CBX6: variants seen among roughly 807,000 people sequenced by gnomAD.
CBX6 encodes the protein chromobox 6.
A neutral mutation model predicts 28.4 loss-of-function variants in CBX6; 7 were observed. That is an observed-to-expected ratio of 0.25 (90% CI 0.14 to 0.46). The LOEUF (loss-of-function observed/expected upper bound fraction) is 0.46, where lower values mean the gene tolerates loss of function less well. Ranked by LOEUF, CBX6 falls within the 20% of genes least tolerant of loss-of-function variation. CBX6 has a pLI of 0.99. For synonymous variants in CBX6, 297 were observed against 273.4 expected (o/e 1.09, Z -0.85); for missense variants, 512 against 606.1 (o/e 0.84, Z 1.63).
Position 38,867,184 on chromosome 22 carries a change from C to G in CBX6, c.264G>C (p.Glu88Asp), listed in dbSNP as rs1399456667. 6 of 1,340,508 alleles carry G rather than the reference C, an allele frequency of 4.5e-6. No homozygotes were observed. Among genetic ancestry groups the G allele is most frequent in the Admixed American group, 4.5e-5 (2 of 44,688 alleles). The allele number at this position is 1,340,508 out of a possible 1,614,324, so 83.0% of individuals were successfully genotyped here. ...AATGCACATCACTGATGCGGAGGGCCTCGGCCTGGGCCCGCGCCTGCGGGC... is the reference window on the plus strand; with the variant it reads ...AATGCACATCACTGATGCGGAGGGCGTCGGCCTGGGCCCGCGCCTGCGGGC... Reference protein sequence around the residue: ...TFLLKARAQAEALRISDVHFS... With the variant: ...TFLLKARAQADALRISDVHFS... The change falls in exon 5 of 5, where the codon GAG becomes GAC. Residue 88 changes from glutamate (E) to aspartate (D), a missense_variant. By Grantham distance (45) the Glu-to-Asp change is conservative. Transcript: ENST00000407418.
At position 38,866,212 on chromosome 22, in the gene CBX6, C is replaced by T. The variant is rs752970669; in HGVS notation, c.1236G>A (p.Lys412=). Residue 412 remains lysine (K), a synonymous_variant, in exon 5 of 5, where the codon AAG becomes AAA. Coordinates refer to ENST00000407418, the MANE Select transcript of CBX6 (RefSeq NM_014292.5). This position sits in a 1 kb window ranked among gnomAD's most constrained non-coding sequence, Gnocchi z 7.5. ...AGGGGSIGAS[K] Reference sequence around the variant, plus strand: ...CCCCCTCCTTGGTGGAGCCCCCTCACTTGCTCGCCCCAATGCTGCCACCGC... The same window carrying T: ...CCCCCTCCTTGGTGGAGCCCCCTCATTTGCTCGCCCCAATGCTGCCACCGC... The T allele has an allele frequency of 6.2e-7, 1 of 1,603,042 alleles. No homozygotes were observed. The highest frequency in any genetic ancestry group is 2.2e-5 in the East Asian group (1 of 44,666).
At position 38,866,884 on chromosome 22, in the gene CBX6, C is replaced by T. The variant is rs1427589030; in HGVS notation, c.564G>A (p.Gly188=). 9 of 1,597,496 alleles carry T rather than the reference C, an allele frequency of 5.6e-6. No individual in the cohort carries two copies. Among genetic ancestry groups the T allele is most frequent in the Non-Finnish European group, 7.7e-6 (9 of 1,173,554 alleles). ...GCGCCCCGGCCCCCTGCCCGGCGCC[C>T]CCGCCGCCAGCGCCCTTGTCGATCA... The part of the protein sequence containing the change: ...LKVIDKGAGG[G]GAGQGAGALA... Residue 188 remains glycine (G), a synonymous_variant, in exon 5 of 5, where the codon GGG becomes GGA. Coordinates refer to ENST00000407418, the MANE Select transcript of CBX6 (RefSeq NM_014292.5). This position sits in a 1 kb window ranked among gnomAD's most constrained non-coding sequence, Gnocchi z 7.5.
chr22:38,866,950 C>T lies in CBX6; in HGVS notation c.498G>A (p.Pro166=). The change falls in exon 5 of 5, where the codon CCG becomes CCA. Residue 166 remains proline (P), a synonymous_variant. Transcript: ENST00000407418. This position sits in a 1 kb window ranked among gnomAD's most constrained non-coding sequence, Gnocchi z 7.5. ...TGATGCGGTTCCGCTTGGGCTCCCG[C>T]GGCTTCACCTTGCGGTTGATGATGC... is the stretch of plus-strand genomic sequence containing the variant. ...TVRIINRKVK[P]REPKRNRIIL... 1.2e-6 allele frequency: 2 copies of T among 1,609,070 alleles called. No individual in the cohort carries two copies. Among genetic ancestry groups the T allele is most frequent in the East Asian group, 2.2e-5 (1 of 44,768 alleles).
chr22:38,867,138 T>G lies in CBX6; in HGVS notation c.310A>C (p.Ser104Arg). 1 of 1,356,000 alleles carries G rather than the reference T, an allele frequency of 7.4e-7. No homozygotes were observed. The highest frequency in any genetic ancestry group is 9.7e-7 in the Non-Finnish European group (1 of 1,026,612). The allele number at this position is 1,356,000 out of a possible 1,614,324, so 84.0% of individuals were successfully genotyped here. A position where few individuals can be genotyped will look rare whatever the true frequency, so the allele number is the denominator to read the frequency against. The stretch of plus-strand genomic sequence containing the variant: ...GAGTGCAGCTTGGGCGAGGAGGCAC[T>G]GGCGCTCGGCTTGACAGAGAAATGC... The part of the protein sequence containing the change: ...DVHFSVKPSA[S>R]ASSPKLHSSA... The change falls in exon 5 of 5, where the codon AGT becomes CGT. Residue 104 changes from serine to arginine, a missense_variant. This residue lies in a region of CBX6 where 123 missense variants were observed against 138.1 expected (regional missense o/e 0.89). Coordinates refer to ENST00000407418, the MANE Select transcript of CBX6 (RefSeq NM_014292.5).
Position 38,867,642 on chromosome 22 carries a change from C to T in CBX6, c.247-441G>A, listed in dbSNP as rs188544392. The stretch of plus-strand genomic sequence containing the variant: ...GTGGGGACTCCTCCACGGACTCATT[C>T]GTGGTGACAGAAAGGAGGAGGTGGG... On this transcript the variant is annotated intron_variant, in intron 4 of 4. Coordinates refer to ENST00000407418, the MANE Select transcript of CBX6 (RefSeq NM_014292.5). Among the ~76,000 whole-genome samples the T allele has an allele frequency of 4.7e-4, 71 of 152,324 alleles. No individual in the cohort carries two copies. The East Asian group carries it at 0.013, about 27-fold the overall frequency.
chr22:38,871,992 C>G lies in CBX6; in HGVS notation c.70-47G>C. 7.4e-7 allele frequency: 1 copy of G among 1,354,142 alleles called. No homozygotes were observed. The highest frequency in any genetic ancestry group is 9.9e-7 in the Non-Finnish European group (1 of 1,012,024). 83.9% of individuals were successfully genotyped at this position (1,354,142 alleles called of 1,614,324 possible). A position where few individuals can be genotyped will look rare whatever the true frequency, so the allele number is the denominator to read the frequency against. On this transcript the variant is annotated intron_variant, in intron 1 of 4. Transcript: ENST00000407418. This position sits in a 1 kb window ranked among gnomAD's most constrained non-coding sequence, Gnocchi z 5.6. ...AACGGGGGTGGGGGTGGGGAGGATGCGGGGACGCGAGGAGGCGGCGGCGCG... is the reference window on the plus strand; with the variant it reads ...AACGGGGGTGGGGGTGGGGAGGATGGGGGGACGCGAGGAGGCGGCGGCGCG...
intron 4 of CBX6, chr22:38,869,555 A>C (rs1339570965): frequency 6.6e-6 from 1 of 151,940 alleles, no homozygotes; most frequent in Admixed American, 6.6e-5. Flanking sequence ...TATACTTTCT[A>C]TATATTATTA....
chr22:38,864,698 C>A lies in CBX6; in HGVS notation c.*1511G>T, dbSNP rs1347755670. The A allele has an allele frequency of 6.6e-6, 1 of 152,356 alleles. No homozygotes were observed. The highest frequency in any genetic ancestry group is 1.5e-5 in the Non-Finnish European group (1 of 68,146). The allele number at this position is 152,356 out of a possible 1,614,324, so 9.4% of individuals were successfully genotyped here. On this transcript the variant is annotated 3_prime_UTR_variant, in exon 5 of 5. Transcript: ENST00000407418. ...AGGCGCTAGGGTTCTGATCGGCCTCCTGCCAACGTGCTTCTGAGGGAGGGG... is the reference window on the plus strand; with the variant it reads ...AGGCGCTAGGGTTCTGATCGGCCTCATGCCAACGTGCTTCTGAGGGAGGGG...
rs2093183700 is a variant in CBX6 at position 38,872,086 on chromosome 22, G to A, written c.69+36C>T. ...AGGGCCCCCGGCCCCGGCCCCGGCT[G>A]CGGACAGCGGCGGCCCGCCCCGGGC... On this transcript the variant is annotated intron_variant, in intron 1 of 4. Coordinates refer to ENST00000407418, the MANE Select transcript of CBX6 (RefSeq NM_014292.5). The surrounding 1 kb of genome is among the most constrained non-coding windows in gnomAD (Gnocchi z 5.0). The A allele has an allele frequency of 7.6e-7, 1 of 1,324,264 alleles. No homozygotes were observed. The highest frequency in any genetic ancestry group is 3.6e-5 in the East Asian group (1 of 27,586). 82.0% of individuals were successfully genotyped at this position (1,324,264 alleles called of 1,614,324 possible).
rs759592881 is a variant in CBX6 at position 38,871,327 on chromosome 22, G to T, written c.246+153C>A. On this transcript the variant is annotated intron_variant, in intron 4 of 4. Coordinates refer to ENST00000407418, the MANE Select transcript of CBX6 (RefSeq NM_014292.5). This position sits in a 1 kb window ranked among gnomAD's most constrained non-coding sequence, Gnocchi z 5.6. ...GAGGCCTGCCATCAGGGGCTTCTGG[G>T]GGGGCTCACAACCACCCCCTGCCCA... 1.3e-5 allele frequency: 9 copies of T among 700,080 alleles called. No individual in the cohort carries two copies. Among genetic ancestry groups the T allele is most frequent in the Non-Finnish European group, 2.2e-5 (9 of 402,698 alleles). 43.4% of individuals were successfully genotyped at this position (700,080 alleles called of 1,614,324 possible).
chr22:38,871,341 AC>A lies in CBX6; in HGVS notation c.246+138del. The A allele has an allele frequency of 1.3e-6, 1 of 759,050 alleles. No individual in the cohort carries two copies. 47.0% of individuals were successfully genotyped at this position (759,050 alleles called of 1,614,324 possible). A position where few individuals can be genotyped will look rare whatever the true frequency, so the allele number is the denominator to read the frequency against. On this transcript the variant is annotated intron_variant, in intron 4 of 4. Coordinates refer to ENST00000407418, the MANE Select transcript of CBX6 (RefSeq NM_014292.5). This position sits in a 1 kb window ranked among gnomAD's most constrained non-coding sequence, Gnocchi z 5.6. Reference sequence around the variant, plus strand: ...GGGGCTTCTGGGGGGGCTCACAACCACCCCCTGCCCAGCTGGGGCCCCTCTG... The same window carrying A: ...GGGGCTTCTGGGGGGGCTCACAACCACCCCTGCCCAGCTGGGGCCCCTCTG...
In CBX6 at chr22:38,871,849, C is replaced by T; in HGVS notation, c.113+53G>A. ...AGAGCGCGCACCCCCACCCCAGGCC[C>T]CGGTGCCCGCTGCCTCCCCTCCCGC... is the stretch of plus-strand genomic sequence containing the variant. On this transcript the variant is annotated intron_variant, in intron 2 of 4. Coordinates refer to ENST00000407418, the MANE Select transcript of CBX6 (RefSeq NM_014292.5). This position sits in a 1 kb window ranked among gnomAD's most constrained non-coding sequence, Gnocchi z 5.6. The T allele has an allele frequency of 6.4e-7, 1 of 1,552,242 alleles. No individual in the cohort carries two copies. The highest frequency in any genetic ancestry group is 8.7e-7 in the Non-Finnish European group (1 of 1,144,928).
In CBX6 at chr22:38,870,062, C is replaced by T. The variant is rs1364443164; in HGVS notation, c.246+1418G>A. ...TACTATCTGTGTCTCTATCCCCTGC[C>T]ACGCCAACTCTGCAGCCTTCATAGT... is the stretch of plus-strand genomic sequence containing the variant. On this transcript the variant is annotated intron_variant, in intron 4 of 4. Coordinates refer to ENST00000407418, the MANE Select transcript of CBX6 (RefSeq NM_014292.5). This position sits in a 1 kb window ranked among gnomAD's most constrained non-coding sequence, Gnocchi z 4.3. 6.6e-6 allele frequency: 1 copy of T among 152,226 alleles called. No homozygotes were observed. Among genetic ancestry groups the T allele is most frequent in the Non-Finnish European group, 1.5e-5 (1 of 68,080 alleles). The allele number at this position is 152,226 out of a possible 1,614,324, so 9.4% of individuals were successfully genotyped here. A position where few individuals can be genotyped will look rare whatever the true frequency, so the allele number is the denominator to read the frequency against.
chr22:38,867,418 C>T (rs1035511777), intron 4 of CBX6, among the ~76,000 whole-genome samples: 2 of 152,204 alleles, frequency 1.3e-5, no homozygotes, highest in Non-Finnish European at 2.9e-5. Context: ...GTCAGGACAC[C>T]CTTGTCCAGG....
Position 38,862,837 on chromosome 22 carries a change from T to TC in CBX6, c.*3371dup, listed in dbSNP as rs2093160742. On this transcript the variant is annotated 3_prime_UTR_variant, in exon 5 of 5. Transcript: ENST00000407418. ...TGGGCCCTGCCTTTTAAAGGGCTTT[T>TC]CCCCATAGGCCAAAGCATCCTGGGC... The TC allele has an allele frequency of 6.6e-6, 1 of 152,250 alleles. No homozygotes were observed. The allele number at this position is 152,250 out of a possible 1,614,324, so 9.4% of individuals were successfully genotyped here. A position where few individuals can be genotyped will look rare whatever the true frequency, so the allele number is the denominator to read the frequency against.
Position 38,867,032 on chromosome 22 carries a change from G to A in CBX6, c.416C>T (p.Pro139Leu). The change falls in exon 5 of 5, where the codon CCG becomes CTG. Residue 139 changes from proline (P) to leucine (L), a missense_variant. Pro to Leu is a moderately conservative substitution (Grantham distance 98). Around this residue, in one of 7 missense-constraint regions of CBX6, gnomAD observed 123 missense variants for 138.1 expected, o/e 0.89. Coordinates refer to ENST00000407418, the MANE Select transcript of CBX6 (RefSeq NM_014292.5). ...GCGCAGTCCGGGGCTGCCCCCCTGCGGGTCCGGGCGGGGCAGGGGACGGCG... is the reference window on the plus strand; with the variant it reads ...GCGCAGTCCGGGGCTGCCCCCCTGCAGGTCCGGGCGGGGCAGGGGACGGCG... ...MSRRPLPRPD[P>L]QGGSPGLRPP... 6.2e-7 allele frequency: 1 copy of A among 1,604,928 alleles called. No homozygotes were observed. Among genetic ancestry groups the A allele is most frequent in the East Asian group, 2.2e-5 (1 of 44,646 alleles).
Position 38,866,959 on chromosome 22 carries a change from C to A in CBX6, c.489G>T (p.Lys163Asn). ...FSETVRIINR[K>N]VKPREPKRNR... The stretch of plus-strand genomic sequence containing the variant: ...TCCGCTTGGGCTCCCGCGGCTTCAC[C>A]TTGCGGTTGATGATGCGCACCGTCT... Residue 163 changes from lysine (K) to asparagine (N), a missense_variant, in exon 5 of 5, where the codon AAG becomes AAT. Lys to Asn is a moderately conservative substitution (Grantham distance 94). Coordinates refer to ENST00000407418, the MANE Select transcript of CBX6 (RefSeq NM_014292.5). This position sits in a 1 kb window ranked among gnomAD's most constrained non-coding sequence, Gnocchi z 7.5. 1 of 1,609,476 alleles carries A rather than the reference C, an allele frequency of 6.2e-7. No homozygotes were observed. Among genetic ancestry groups the A allele is most frequent in the Non-Finnish European group, 8.5e-7 (1 of 1,178,448 alleles).
rs765678534 is a variant in CBX6, at chr22:38,864,251, G to GA, written c.*1957_*1958insT. The stretch of plus-strand genomic sequence containing the variant: ...TTTTTTTTCCTCTTTTTTTGTTTTT[G>GA]TTTTTTTGCAAAACTAATTCTTTCA... On this transcript the variant is annotated 3_prime_UTR_variant, in exon 5 of 5. Coordinates refer to ENST00000407418, the MANE Select transcript of CBX6 (RefSeq NM_014292.5). The GA allele has an allele frequency of 1.5e-5, 1 of 65,800 alleles. No individual in the cohort carries two copies. Among genetic ancestry groups the GA allele is most frequent in the African/African-American group, 5.5e-5 (1 of 18,052 alleles). The allele number at this position is 65,800 out of a possible 1,614,324, so 4.1% of individuals were successfully genotyped here. A position where few individuals can be genotyped will look rare whatever the true frequency, so the allele number is the denominator to read the frequency against.
rs765234978 is a variant in CBX6, at chr22:38,866,896, G to T, written c.552C>A (p.Gly184=). 7.5e-6 allele frequency: 12 copies of T among 1,597,150 alleles called. No homozygotes were observed. Among genetic ancestry groups the T allele is most frequent in the Middle Eastern group, 1.7e-4 (1 of 6,014 alleles). The change falls in exon 5 of 5, where the codon GGC becomes GGA. Residue 184 remains glycine, a synonymous_variant. Transcript: ENST00000407418. This position sits in a 1 kb window ranked among gnomAD's most constrained non-coding sequence, Gnocchi z 7.5. ...IILNLKVIDK[G]AGGGGAGQGA... ...CCTGCCCGGCGCCCCCGCCGCCAGC[G>T]CCCTTGTCGATCACCTTCAGGTTCA...
Sources: allele counts gnomAD v4.1 joint callset (sites outside exome capture counted in the v4.1 genomes callset), GRCh38; gene constraint gnomAD v4.1.1; regional missense constraint gnomAD v4.1.1; non-coding constraint Gnocchi (gnomAD v3.1); transcripts MANE v1.5; gene names NCBI Gene and HGNC (gene_info 2026-07-23, HGNC 2026-07-21).